The following LDB2 variants were observed in gnomAD, a reference collection of about 807,000 sequenced individuals.
The protein encoded by LDB2 is LIM domain-binding protein 2.
A neutral mutation model predicts 44.3 loss-of-function variants in LDB2; 12 were observed. That is an observed-to-expected ratio of 0.27 (90% CI 0.17 to 0.44). The LOEUF (loss-of-function observed/expected upper bound fraction) is 0.44, where lower values mean the gene tolerates loss of function less well. Among genes scored for constraint, LDB2 ranks in the 20% least tolerant of loss-of-function variants. The probability of loss-of-function intolerance (pLI) is 1.00; values close to 1 mark genes in which losing one functional copy is unlikely to be tolerated. For synonymous variants in LDB2, 164 were observed against 174.8 expected, an observed-to-expected ratio of 0.94 and a Z score of 0.49; for missense variants, 344 against 473.5, an observed-to-expected ratio of 0.73 and a Z score of 2.54.
At chr4:16,734,984 C>A (rs1163660761) in intron 2 of LDB2, among the ~76,000 whole-genome samples, 1 of 152,176 alleles carries the variant, frequency 6.6e-6, no homozygotes, top group East Asian at 1.9e-4. Flanking sequence ...GCTGGGATTA[C>A]AGGCATGAGC....
chr4:16,683,755 G>A (rs945180891), intron 2 of LDB2, among the ~76,000 whole-genome samples: 5 of 152,208 alleles, frequency 3.3e-5, no homozygotes, highest in African/African-American at 9.6e-5. Flanking sequence ...AGGCTCAGCA[G>A]CTTAGCACAA....
chr4:16,677,878 G>T, intron 2 of LDB2, among the ~76,000 whole-genome samples: 1 of 152,184 alleles, frequency 6.6e-6, no homozygotes, highest in East Asian at 1.9e-4. Flanking sequence ...ACTGGGAAAT[G>T]GCTAGGCCTA....
chr4:16,596,142 T>C (rs1221026121), intron 2 of LDB2, among the ~76,000 whole-genome samples: 1 of 152,170 alleles, frequency 6.6e-6, no homozygotes, highest in African/African-American at 2.4e-5. Flanking sequence ...GTTAGTACTT[T>C]AAAAATAATA....
intron 2 of LDB2, among the ~76,000 whole-genome samples, chr4:16,742,417 A>C (rs1461704549): frequency 6.6e-6 from 1 of 152,196 alleles, no homozygotes; most frequent in African/African-American, 2.4e-5. Context: ...ACCTACAACC[A>C]ACTCCAGCTG....
intron 2 of LDB2, among the ~76,000 whole-genome samples, chr4:16,703,417 T>C (rs547859268): frequency 2.0e-5 from 3 of 152,178 alleles, no homozygotes; most frequent in Non-Finnish European, 2.9e-5. Flanking sequence ...GGGAGAATGA[T>C]GTGGTTTATG....
At chr4:16,891,029 G>T (rs1393288672) in intron 1 of LDB2, among the ~76,000 whole-genome samples, 1 of 151,870 alleles carries the variant, frequency 6.6e-6, no homozygotes, top group African/African-American at 2.4e-5. Context: ...ACCTGAAAAG[G>T]GAGCCAATAC....
At chr4:16,628,933 G>C (rs1431540724) in intron 2 of LDB2, among the ~76,000 whole-genome samples, 1 of 152,206 alleles carries the variant, frequency 6.6e-6, no homozygotes, top group East Asian at 1.9e-4. Flanking sequence ...CTCACAACCG[G>C]TAGACCAGGA....
chr4:16,617,611 T>C (rs1174636848), intron 2 of LDB2, among the ~76,000 whole-genome samples: 1 of 152,164 alleles, frequency 6.6e-6, no homozygotes, highest in Non-Finnish European at 1.5e-5. Flanking sequence ...CAAGGAGCCA[T>C]AGCACCGCAA....
chr4:16,893,799 T>A (rs1049398538), intron 1 of LDB2, among the ~76,000 whole-genome samples: 4 of 151,246 alleles, frequency 2.6e-5, no homozygotes, highest in African/African-American at 9.7e-5. Context: ...TTTTTTTTTT[T>A]AAATTAGCAT....
intron 1 of LDB2, among the ~76,000 whole-genome samples, chr4:16,862,661 A>C (rs977827275): frequency 1.4e-5 from 2 of 146,178 alleles, no homozygotes; most frequent in African/African-American, 5.1e-5. Flanking sequence ...AAAAAAAAAA[A>C]AAAGGAGCCC....
At chr4:16,538,233 G>A (rs547640341) in intron 5 of LDB2, among the ~76,000 whole-genome samples, 5 of 152,268 alleles carry the variant, frequency 3.3e-5, no homozygotes, top group African/African-American at 1.2e-4. Flanking sequence ...AGAACAACAA[G>A]CCCTGTTTTG....
At chr4:16,737,366 C>T (rs1020639759) in intron 2 of LDB2, among the ~76,000 whole-genome samples, 3 of 152,172 alleles carry the variant, frequency 2.0e-5, no homozygotes, top group Non-Finnish European at 4.4e-5. Context: ...GTAGCTGAGG[C>T]TATAGGCATC....
intron 5 of LDB2, among the ~76,000 whole-genome samples, chr4:16,531,519 TTCTC>T (rs1730143081): frequency 6.6e-6 from 1 of 152,194 alleles, no homozygotes; most frequent in Non-Finnish European, 1.5e-5. Context: ...ACCATTCACT[TTCTC>T]TATTTGTGCA....
intron 1 of LDB2, among the ~76,000 whole-genome samples, chr4:16,802,702 C>T (rs1778070967): frequency 1.3e-5 from 2 of 152,096 alleles, no homozygotes. Context: ...ATTTTAGCTC[C>T]CATAATTCCC....
intron 2 of LDB2, among the ~76,000 whole-genome samples, chr4:16,670,565 A>C (rs940588600): frequency 1.3e-5 from 2 of 152,236 alleles, no homozygotes; most frequent in Admixed American, 1.3e-4. Flanking sequence ...CTAGTTATTA[A>C]ATAAATAAAA....
At chr4:16,867,067 G>A (rs372849597) in intron 1 of LDB2, among the ~76,000 whole-genome samples, 41 of 152,262 alleles carry the variant, frequency 2.7e-4, no homozygotes, top group East Asian at 2.5e-3. Context: ...CTGGCACAGC[G>A]TCTCTCAGAG....
At chr4:16,571,312 G>A (rs915146987) in intron 5 of LDB2, among the ~76,000 whole-genome samples, 5 of 152,194 alleles carry the variant, frequency 3.3e-5, no homozygotes, top group Admixed American at 6.5e-5. Context: ...GGGTGGCCTT[G>A]AAACCTGGGA....
intron 5 of LDB2, among the ~76,000 whole-genome samples, chr4:16,548,853 A>G (rs1736681593): frequency 6.6e-6 from 1 of 152,254 alleles, no homozygotes; most frequent in African/African-American, 2.4e-5. Context: ...GGAAAACAGC[A>G]AAGTGTGCTA....
At chr4:16,740,751 A>T (rs578091923) in intron 2 of LDB2, among the ~76,000 whole-genome samples, 19 of 152,334 alleles carry the variant, frequency 1.2e-4, no homozygotes, top group African/African-American at 4.1e-4. Context: ...GTCTGCCTTG[A>T]TGCCTTACTC....
Sources: gnomAD v4.1 joint callset for allele counts (sites outside exome capture counted in the v4.1 genomes callset) on GRCh38, gnomAD v4.1.1 for gene constraint, MANE v1.5 for transcripts, NCBI Gene and HGNC (gene_info 2026-07-23, HGNC 2026-07-21) for gene names.